HFM1: variants seen among roughly 807,000 people sequenced by gnomAD.
The protein encoded by HFM1 is probable ATP-dependent DNA helicase HFM1.
A neutral mutation model predicts 192.1 loss-of-function variants in HFM1; 169 were observed. That is an observed-to-expected ratio of 0.88 (90% CI 0.78 to 1.00). HFM1 has a LOEUF of 1.00. HFM1 is among the 50% of genes least tolerant of loss of function. HFM1 has a pLI of 0.00. For missense variants in HFM1, 1,661 were observed against 1,668.0 expected (o/e 1.00, Z 0.07); for synonymous variants, 525 against 537.8 (o/e 0.98, Z 0.33).
chr1:91,387,284 C>T (rs1662329466), intron 4 of HFM1, among the ~76,000 whole-genome samples: 1 of 152,020 alleles, frequency 6.6e-6, no homozygotes, highest in Non-Finnish European at 1.5e-5. Context: ...TTCTGCTTCA[C>T]AATGATAGGA....
chr1:91,266,517 A>C (rs752494938), intron 35 of HFM1, among the ~76,000 whole-genome samples: 6 of 152,178 alleles, frequency 3.9e-5, no homozygotes, highest in Non-Finnish European at 7.3e-5. Flanking sequence ...TGTGAGAGTG[A>C]GGAAAAACAG....
chr1:91,383,432 G>A (rs774321193), intron 6 of HFM1, among the ~76,000 whole-genome samples: 6 of 152,108 alleles, frequency 3.9e-5, no homozygotes, highest in Non-Finnish European at 8.8e-5. Context: ...CTAAACACTG[G>A]CTATGTTTAT....
rs1436009919 is a variant in HFM1, at chr1:91,298,307, T to A, written c.3391+15042A>T. 2.0e-5 allele frequency among the ~76,000 whole-genome samples: 3 copies of A among 152,188 alleles called. No homozygotes were observed. The East Asian group carries it at 5.8e-4, about 29-fold the overall frequency. On this transcript the variant is annotated intron_variant, in intron 30 of 38. Coordinates refer to ENST00000370425, the MANE Select transcript of HFM1 (RefSeq NM_001017975.6). ...ACTATGTGAAAAGACCAAGTCTACA[T>A]CTGATTGGTGTACCTGAAAGTCACA...
chr1:91,338,644 T>C (rs1332147004), intron 20 of HFM1, among the ~76,000 whole-genome samples: 1 of 152,084 alleles, frequency 6.6e-6, no homozygotes, highest in Non-Finnish European at 1.5e-5. Flanking sequence ...CACTCAACCA[T>C]GGCCTCCCCA....
At chr1:91,263,394 C>CT (rs1665356451) in intron 36 of HFM1, among the ~76,000 whole-genome samples, 1 of 151,972 alleles carries the variant, frequency 6.6e-6, no homozygotes, top group Admixed American at 6.6e-5. Context: ...CGTTTTGTCT[C>CT]TGACTAATAA....
Position 91,308,901 on chromosome 1 carries a change from C to A in HFM1, c.3391+4448G>T, listed in dbSNP as rs1440324. 2.4e-4 allele frequency among the ~76,000 whole-genome samples: 36 copies of A among 152,040 alleles called. 1 individual carries two copies. Among genetic ancestry groups the A allele is most frequent in the African/African-American group, 8.7e-4 (36 of 41,416 alleles). ...CCTTTACAGGGCATGGTCTACCTAG[C>A]CTTTTTATTAAGAATTTAGTTCCTT... On this transcript the variant is annotated intron_variant, in intron 30 of 38. Coordinates refer to ENST00000370425, the MANE Select transcript of HFM1 (RefSeq NM_001017975.6).
chr1:91,371,040 T>C (rs1346382663), intron 13 of HFM1, among the ~76,000 whole-genome samples: 1 of 151,536 alleles, frequency 6.6e-6, no homozygotes, highest in African/African-American at 2.4e-5. Flanking sequence ...ACAAGGGATG[T>C]GAAGGACCTC....
chr1:91,335,166 C>T (rs1360391671), intron 20 of HFM1, among the ~76,000 whole-genome samples: 1 of 152,062 alleles, frequency 6.6e-6, no homozygotes, highest in Non-Finnish European at 1.5e-5. Context: ...AACTAACAAT[C>T]AGGAATAGAG....
intron 33 of HFM1, 24 bp downstream of exon 33, chr1:91,274,706 T>TAC (rs1387350218): frequency 2.6e-6 from 3 of 1,158,096 alleles, no homozygotes; most frequent in Non-Finnish European, 3.9e-6. Context: ...TATTTTACCT[T>TAC]AGATATTAAC....
intron 1 of HFM1, among the ~76,000 whole-genome samples, chr1:91,402,033 C>T (rs1664362775): frequency 6.6e-6 from 1 of 152,072 alleles, no homozygotes; most frequent in South Asian, 2.1e-4. Context: ...TATGACAAAC[C>T]ATAAAATCAG....
At chr1:91,291,146 A>G (rs1016879356) in intron 30 of HFM1, among the ~76,000 whole-genome samples, 1 of 152,218 alleles carries the variant, frequency 6.6e-6, no homozygotes, top group African/African-American at 2.4e-5. Context: ...AAAGAACTAG[A>G]AAAGCAAGAG....
intron 30 of HFM1, among the ~76,000 whole-genome samples, chr1:91,290,806 G>C (rs1205389951): frequency 2.0e-5 from 3 of 151,800 alleles, no homozygotes; most frequent in Admixed American, 1.3e-4. Context: ...TGGAAGTAAA[G>C]CTCTCCTCAG....
intron 30 of HFM1, among the ~76,000 whole-genome samples, chr1:91,292,473 T>A (rs1391197384): frequency 2.0e-5 from 3 of 149,656 alleles, no homozygotes; most frequent in Non-Finnish European, 3.0e-5. Context: ...GAGAATAAAA[T>A]ACCTAGGAAT....
chr1:91,385,658 T>C lies in HFM1; in HGVS notation c.671A>G (p.Asn224Ser). 1 of 1,612,144 alleles carries C rather than the reference T, an allele frequency of 6.2e-7. No homozygotes were observed. The highest frequency in any genetic ancestry group is 8.5e-7 in the Non-Finnish European group (1 of 1,178,274). ...QYSANVFTANNAFSASEIGEG... is the reference protein window; with the variant it reads ...QYSANVFTANSAFSASEIGEG... ...TCCGATTTCAGAAGCAGAAAAAGCATTATTTGCTGTAAACACATTTGCAGA... is the reference window on the plus strand; with the variant it reads ...TCCGATTTCAGAAGCAGAAAAAGCACTATTTGCTGTAAACACATTTGCAGA... Residue 224 changes from asparagine to serine, a missense_variant, in exon 5 of 39, where the codon AAT becomes AGT. Physicochemically the swap from Asn to Ser is conservative, Grantham distance 46. Transcript: ENST00000370425.
intron 21 of HFM1, 85 bp from the exon 22 acceptor site, chr1:91,323,284 A>G: frequency 5.3e-6 from 4 of 761,224 alleles, no homozygotes. Context: ...TATTTTTCAT[A>G]CTGCCTTAAA....
At chr1:91,290,745 T>C (rs1295023221) in intron 30 of HFM1, among the ~76,000 whole-genome samples, 4 of 152,002 alleles carry the variant, frequency 2.6e-5, no homozygotes, top group African/African-American at 9.7e-5. Context: ...CAACAGAATA[T>C]ACATTTTTTT....
rs886409791 is a variant in HFM1, at chr1:91,365,929, T to C, written c.1685+9429A>G. ...ACACAGCTAGTAAAAGTAGCAGCAC[T>C]GTAATTCAAATCTGAGTCTCTAACT... On this transcript the variant is annotated intron_variant, in intron 13 of 38. Coordinates refer to ENST00000370425, the MANE Select transcript of HFM1 (RefSeq NM_001017975.6). Among the ~76,000 whole-genome samples, 13 of 148,290 alleles carry C rather than the reference T, an allele frequency of 8.8e-5. 1 individual carries two copies.
Position 91,351,472 on chromosome 1 carries a change from T to G in HFM1, c.2072+77A>C, listed in dbSNP as rs1007634863. 10 of 780,328 alleles carry G rather than the reference T, an allele frequency of 1.3e-5. No homozygotes were observed. In the South Asian group the frequency reaches 1.8e-4, roughly 14 times the overall value. The allele number at this position is 780,328 out of a possible 1,614,324, so 48.3% of individuals were successfully genotyped here. A position where few individuals can be genotyped will look rare whatever the true frequency, so the allele number is the denominator to read the frequency against. ...CTTAAAAAAATCTCCAAACCAAATT[T>G]CCCTTTGATATTTTAAAAGGAAATA... On this transcript the variant is annotated intron_variant, in intron 17 of 38. Coordinates refer to ENST00000370425, the MANE Select transcript of HFM1 (RefSeq NM_001017975.6).
intron 13 of HFM1, among the ~76,000 whole-genome samples, chr1:91,359,001 C>G (rs933592217): frequency 3.9e-5 from 6 of 152,138 alleles, no homozygotes; most frequent in African/African-American, 1.4e-4. Context: ...AGCAGATCCC[C>G]AGCAAACTGC....
Sources: gnomAD v4.1 joint callset for allele counts (sites outside exome capture counted in the v4.1 genomes callset) on GRCh38, gnomAD v4.1.1 for gene constraint, MANE v1.5 for transcripts, NCBI Gene and HGNC (gene_info 2026-07-23, HGNC 2026-07-21) for gene names.